The following RARG variants were observed in gnomAD, a reference collection of about 807,000 sequenced individuals.
The protein encoded by RARG is RAR-gamma.
RARG carries 17 observed loss-of-function variants against 43.7 expected under a neutral mutation model. That is an observed-to-expected ratio of 0.39 (90% CI 0.27 to 0.58). The LOEUF is 0.58. RARG is among the 20% of genes least tolerant of loss of function. The pLI is 0.57. For missense variants in RARG, 346 were observed against 598.7 expected, an observed-to-expected ratio of 0.58 and a Z score of 4.40; for synonymous variants, 238 against 236.4, an observed-to-expected ratio of 1.01 and a Z score of -0.06.
Position 53,214,202 on chromosome 12 carries a change from G to C in RARG, c.670C>G (p.Leu224Val). ...SSADHRVQLD[L>V]GLWDKFSELA... Reference sequence around the variant, plus strand: ...TCACTGAACTTGTCCCACAGCCCCAGATCCAGCTGCACGCGGTGGTCTGCA... The same window carrying C: ...TCACTGAACTTGTCCCACAGCCCCACATCCAGCTGCACGCGGTGGTCTGCA... Residue 224 changes from leucine to valine, a missense_variant, in exon 7 of 10, where the codon CTG becomes GTG. By Grantham distance (32) the Leu-to-Val change is conservative (BLOSUM62 1). Around this residue, in one of 8 missense-constraint regions of RARG, gnomAD observed 37 missense variants for 146.3 expected, o/e 0.25. Transcript: ENST00000425354. 6.2e-7 allele frequency: 1 copy of C among 1,613,796 alleles called. No homozygotes were observed. The highest frequency in any genetic ancestry group is 1.3e-5 in the African/African-American group (1 of 75,034).
chr12:53,221,737 C>A (rs1020064096), intron 3 of RARG, among the ~76,000 whole-genome samples: 12 of 151,602 alleles, frequency 7.9e-5, no homozygotes, highest in African/African-American at 2.9e-4. Flanking sequence ...TCCCCCCCTC[C>A]CCCGCGCCCC....
At position 53,213,565 on chromosome 12, in the gene RARG, G is replaced by A; in HGVS notation, c.949C>T (p.Gln317Ter). The change falls in exon 8 of 10, where the codon CAG becomes TAG. Residue 317 changes from glutamine (Q) to a stop codon, truncating the protein, a stop_gained. Transcript: ENST00000425354. LOFTEE classifies it high-confidence loss of function. The surrounding 1 kb of genome is among the most constrained non-coding windows in gnomAD (Gnocchi z 4.7). ...LTDLVFAFAG[Q>*]LLPLEMDDTE... ...TCATCCATCTCCAGGGGCAGGAGCT[G>A]CCCAGCAAAGGCAAAGACAAGGTCT... 6.2e-7 allele frequency: 1 copy of A among 1,614,176 alleles called. No homozygotes were observed. Among genetic ancestry groups the A allele is most frequent in the Non-Finnish European group, 8.5e-7 (1 of 1,180,028 alleles).
intron 3 of RARG, chr12:53,219,886 A>T: frequency 1.5e-6 from 2 of 1,373,172 alleles, no homozygotes; most frequent in Non-Finnish European, 1.9e-6. Context: ...CTCTTTACAC[A>T]CGGAAAGAGT....
chr12:53,223,230 T>G (rs1943021039), intron 3 of RARG, among the ~76,000 whole-genome samples: 1 of 152,074 alleles, frequency 6.6e-6, no homozygotes, highest in African/African-American at 2.4e-5. Flanking sequence ...AAATTCTCCC[T>G]TTTTTCTAAA....
At chr12:53,220,010 C>G (rs747180478) in intron 3 of RARG, 4 of 1,526,420 alleles carry the variant, frequency 2.6e-6, no homozygotes, top group Middle Eastern at 3.4e-4. Context: ...CAGGAGCCGC[C>G]GGTGGCTCTG....
At chr12:53,224,944 G>A (rs1334917155) in intron 3 of RARG, among the ~76,000 whole-genome samples, 2 of 152,154 alleles carry the variant, frequency 1.3e-5, no homozygotes, top group Non-Finnish European at 2.9e-5. Context: ...GCGCAAGGGG[G>A]ACGTCACTGG....
At chr12:53,230,836 CGTGTGTGTGTGTGTGTGTGTGT>C (rs59367849) in intron 2 of RARG, among the ~76,000 whole-genome samples, 9 of 119,998 alleles carry the variant, frequency 7.5e-5, no homozygotes, top group Admixed American at 5.0e-4. Flanking sequence ...GGCCACAGTG[CGTGTGTGTGTGTGTGTGTGTGT>C]GTGTGTGTGT....
intron 3 of RARG, chr12:53,219,818 A>G (rs529735831): frequency 1.0e-5 from 8 of 803,528 alleles, no homozygotes; most frequent in Non-Finnish European, 1.5e-5. Flanking sequence ...CCCCACGTTT[A>G]AAGGGCCAGT....
chr12:53,220,259 G>C, intron 3 of RARG: 3 of 1,382,102 alleles, frequency 2.2e-6, no homozygotes, highest in Non-Finnish European at 2.9e-6. Flanking sequence ...GCGGGGAAGA[G>C]GGGGGATCCC....
rs538926524 is a variant in RARG, at chr12:53,225,772, C to T, written c.184+1590G>A. ...GACTACCAACTGGGAGGAGAGGGGT[C>T]CCAGAGGGAGGAGGAGAGGAGAGGC... On this transcript the variant is annotated intron_variant, in intron 3 of 9. Coordinates refer to ENST00000425354, the MANE Select transcript of RARG (RefSeq NM_000966.6). 3.9e-5 allele frequency among the ~76,000 whole-genome samples: 6 copies of T among 152,264 alleles called. No homozygotes were observed. The East Asian group carries it at 1.2e-3, about 29-fold the overall frequency.
Position 53,213,862 on chromosome 12 carries a change from G to A in RARG, c.814-162C>T. ...CTGAGGCTTGGCAGGGGTAGTCCCG[G>A]GAAGTCAGGAGGAGACAGGGCATCC... On this transcript the variant is annotated intron_variant, in intron 7 of 9. Transcript: ENST00000425354. This position sits in a 1 kb window ranked among gnomAD's most constrained non-coding sequence, Gnocchi z 4.7. 1 of 1,077,950 alleles carries A rather than the reference G, an allele frequency of 9.3e-7. No individual in the cohort carries two copies. The highest frequency in any genetic ancestry group is 1.5e-5 in the South Asian group (1 of 67,210). The allele number at this position is 1,077,950 out of a possible 1,614,324, so 66.8% of individuals were successfully genotyped here. A position where few individuals can be genotyped will look rare whatever the true frequency, so the allele number is the denominator to read the frequency against.
intron 3 of RARG, among the ~76,000 whole-genome samples, chr12:53,219,410 G>A (rs1005398851): frequency 6.6e-6 from 1 of 152,162 alleles, no homozygotes; most frequent in African/African-American, 2.4e-5. Flanking sequence ...CAGCCACGCA[G>A]GGGCACACGC....
chr12:53,220,131 T>C (rs1421615313), intron 3 of RARG: 1 of 1,549,130 alleles, frequency 6.5e-7, no homozygotes, highest in South Asian at 1.2e-5. Context: ...AACTGGGTGC[T>C]GGAAACACCA....
intron 3 of RARG, among the ~76,000 whole-genome samples, chr12:53,221,809 C>G (rs929018057): frequency 6.6e-6 from 1 of 150,728 alleles, no homozygotes; most frequent in Admixed American, 6.6e-5. Context: ...GCCGCTCACA[C>G]GGGCAGCGCC....
intron 3 of RARG, among the ~76,000 whole-genome samples, chr12:53,216,861 C>CGCGCGCGCGT (rs1491204312): frequency 8.1e-6 from 1 of 122,930 alleles, no homozygotes; most frequent in African/African-American, 3.5e-5. Flanking sequence ...CGCGCGCGCG[C>CGCGCGCGCGT]GTGTGGTTGG....
intron 2 of RARG, among the ~76,000 whole-genome samples, chr12:53,230,862 TG>T (rs1388156761): frequency 1.3e-5 from 2 of 151,664 alleles, no homozygotes; most frequent in African/African-American, 4.9e-5. Flanking sequence ...TGTGTGTGTG[TG>T]TGTGTGTGTG....
chr12:53,212,084 C>T (rs560704119), intron 9 of RARG, among the ~76,000 whole-genome samples: 2 of 152,326 alleles, frequency 1.3e-5, no homozygotes, highest in South Asian at 4.1e-4. Context: ...GGCTTGCTGC[C>T]CATTCATCCC....
At chr12:53,224,197 C>T (rs964754060) in intron 3 of RARG, among the ~76,000 whole-genome samples, 5 of 152,078 alleles carry the variant, frequency 3.3e-5, no homozygotes, top group African/African-American at 4.8e-5. Context: ...GCTCCCTGAG[C>T]CTCCCCTCCA....
At position 53,215,228 on chromosome 12, in the gene RARG, A is replaced by G; in HGVS notation, c.475+65T>C. 6.3e-7 allele frequency: 1 copy of G among 1,578,170 alleles called. No individual in the cohort carries two copies. ...TCAGGGAAGTGGGAGTGGCCAGAGG[A>G]AAGAGGGCCACAGCCATAGGGTAGG... On this transcript the variant is annotated intron_variant, in intron 5 of 9. Coordinates refer to ENST00000425354, the MANE Select transcript of RARG (RefSeq NM_000966.6). This position sits in a 1 kb window ranked among gnomAD's most constrained non-coding sequence, Gnocchi z 6.4.
Sources: allele counts gnomAD v4.1 joint callset (sites outside exome capture counted in the v4.1 genomes callset), GRCh38; gene constraint gnomAD v4.1.1; regional missense constraint gnomAD v4.1.1; non-coding constraint Gnocchi (gnomAD v3.1); transcripts MANE v1.5; gene names NCBI Gene and HGNC (gene_info 2026-07-23, HGNC 2026-07-21).